Variants in CNTN5 observed in about 807,000 individuals in gnomAD.
CNTN5 encodes contactin-5.
Under a neutral mutation model 129.1 loss-of-function variants are expected in CNTN5, and 77 were observed. That is an observed-to-expected ratio of 0.60 (90% CI 0.50 to 0.72). The LOEUF is 0.72. Ranked by LOEUF, CNTN5 falls within the 30% of genes least tolerant of loss-of-function variation. CNTN5 has a pLI of 0.00. For synonymous variants in CNTN5, 509 were observed against 465.6 expected, an observed-to-expected ratio of 1.09 and a Z score of -1.20; for missense variants, 1,478 against 1,328.8, an observed-to-expected ratio of 1.11 and a Z score of -1.75.
chr11:100,332,561 A>T (rs771115025), intron 21 of CNTN5, among the ~76,000 whole-genome samples: 41 of 152,090 alleles, frequency 2.7e-4, no homozygotes, highest in Non-Finnish European at 5.0e-4. Flanking sequence ...AATATCCCTG[A>T]TCATCATAGA....
intron 2 of CNTN5, among the ~76,000 whole-genome samples, chr11:99,498,095 G>C (rs2134946): frequency 0.98 from 149,701 of 152,244 alleles, 73,659 homozygotes; most frequent in East Asian, 1. Flanking sequence ...TAATGGGTCC[G>C]CATAGAGCTA....
At chr11:100,117,754 G>T in intron 13 of CNTN5, among the ~76,000 whole-genome samples, 1 of 150,334 alleles carries the variant, frequency 6.7e-6, no homozygotes. Flanking sequence ...TGTAAAGAAT[G>T]GCATTCTATT....
intron 1 of CNTN5, among the ~76,000 whole-genome samples, chr11:99,213,374 G>GTATATACTTATATACACGTGTATATATA (rs1859926969): frequency 9.7e-6 from 1 of 103,542 alleles, no homozygotes; most frequent in East Asian, 2.5e-4. Context: ...ATGTATATAT[G>GTATATACTTATATACACGTGTATATATA]TATATACATA....
In CNTN5 at chr11:100,191,176, C is replaced by A. The variant is rs1299614537; in HGVS notation, c.1631C>A (p.Ser544Ter). The A allele has an allele frequency of 6.2e-7, 1 of 1,610,918 alleles. No individual in the cohort carries two copies. The highest frequency in any genetic ancestry group is 8.5e-7 in the Non-Finnish European group (1 of 1,177,744). Residue 544 changes from serine (S) to a stop codon, truncating the protein, a stop_gained, in exon 14 of 25, where the codon TCA becomes TAA. Transcript: ENST00000524871. LOFTEE classifies it high-confidence loss of function. ...CTACGGATCCTAAATGCTTCCAAAT[C>A]AGACGAGGGAAAGTACGTTTGCCGA... ...GSLRILNASK[S>*]DEGKYVCRGE...
At chr11:99,328,907 GA>G (rs59341657) in intron 2 of CNTN5, among the ~76,000 whole-genome samples, 40,843 of 139,962 alleles carry the variant, frequency 0.29, 6,408 homozygotes, top group African/African-American at 0.41. Flanking sequence ...ACAGGAAAAA[GA>G]AAAAAAAACC....
At chr11:99,987,524 A>AATATATAT (rs10674388) in intron 8 of CNTN5, among the ~76,000 whole-genome samples, 101 of 141,366 alleles carry the variant, frequency 7.1e-4, no homozygotes, top group Non-Finnish European at 1.1e-3. Context: ...TGTATTTATG[A>AATATATAT]ATATATATAT....
intron 20 of CNTN5, among the ~76,000 whole-genome samples, chr11:100,300,507 G>T (rs184800073): frequency 4.6e-5 from 7 of 151,512 alleles, no homozygotes; most frequent in African/African-American, 1.7e-4. Flanking sequence ...GTGCCCACAT[G>T]TAGGACTTGA....
intron 24 of CNTN5, among the ~76,000 whole-genome samples, chr11:100,351,184 T>A (rs551292148): frequency 1.3e-5 from 2 of 151,740 alleles, no homozygotes; most frequent in East Asian, 3.9e-4. Context: ...TAAACTGATA[T>A]TACACTGGTT....
chr11:99,418,127 C>T (rs1942740478), intron 2 of CNTN5, among the ~76,000 whole-genome samples: 1 of 151,970 alleles, frequency 6.6e-6, no homozygotes, highest in African/African-American at 2.4e-5. Context: ...AAGGTTAATC[C>T]AAGATTACAC....
In CNTN5 at chr11:99,916,044, A is replaced by C. The variant is rs753476933; in HGVS notation, c.578-10A>C. 2 of 1,603,926 alleles carry C rather than the reference A, an allele frequency of 1.2e-6. No individual in the cohort carries two copies. Among genetic ancestry groups the C allele is most frequent in the South Asian group, 2.2e-5 (2 of 90,004 alleles). Reference sequence around the variant, plus strand: ...CTGCCTTGGATCTAAATGTTTTATTATGTTGACAGATCTGGGAAATTTTAG... The same window carrying C: ...CTGCCTTGGATCTAAATGTTTTATTCTGTTGACAGATCTGGGAAATTTTAG... On this transcript the variant is annotated splice_polypyrimidine_tract_variant and intron_variant, in intron 6 of 24. Transcript: ENST00000524871.
intron 7 of CNTN5, among the ~76,000 whole-genome samples, chr11:99,946,263 A>G (rs1950551502): frequency 6.6e-6 from 1 of 152,132 alleles, no homozygotes; most frequent in South Asian, 2.1e-4. Flanking sequence ...AAATTATAGT[A>G]TTTTTATTTA....
intron 1 of CNTN5, among the ~76,000 whole-genome samples, chr11:99,267,037 A>T (rs867456593): frequency 4.6e-5 from 7 of 151,286 alleles, no homozygotes; most frequent in South Asian, 4.2e-4. Flanking sequence ...AGAAGGCTTT[A>T]AAAAAAAAGG....
chr11:99,348,387 C>T (rs1938056838), intron 2 of CNTN5, among the ~76,000 whole-genome samples: 1 of 152,206 alleles, frequency 6.6e-6, no homozygotes, highest in Non-Finnish European at 1.5e-5. Flanking sequence ...TCAAGTATGA[C>T]TGGTTGAAAC....
At chr11:99,790,608 T>C (rs760825185) in intron 3 of CNTN5, among the ~76,000 whole-genome samples, 7 of 152,146 alleles carry the variant, frequency 4.6e-5, no homozygotes, top group Non-Finnish European at 7.4e-5. Context: ...GTCTTTAATA[T>C]TGTGAATATT....
chr11:99,878,122 G>C (rs968512392), intron 6 of CNTN5, among the ~76,000 whole-genome samples: 1 of 152,192 alleles, frequency 6.6e-6, no homozygotes, highest in African/African-American at 2.4e-5. Context: ...AGAGCAGAAA[G>C]AAAGTTTGAG....
rs1335573446 is a variant in CNTN5 at position 99,669,447 on chromosome 11, T to TGTGC, written c.55+113181_55+113182insCGTG. On this transcript the variant is annotated intron_variant, in intron 3 of 24. Transcript: ENST00000524871. ...TTTTCCAGCTATTAAATATGGTGTG[T>TGTGC]GTGTGTGTGTGTGTGTGTGTGTGTG... 4.0e-5 allele frequency among the ~76,000 whole-genome samples: 3 copies of TGTGC among 75,220 alleles called. No homozygotes were observed. The Admixed American group carries it at 4.7e-4, about 12-fold the overall frequency. The allele number at this position is 75,220 out of a possible 152,430, so 49.3% of individuals were successfully genotyped here. A position where few individuals can be genotyped will look rare whatever the true frequency, so the allele number is the denominator to read the frequency against.
intron 17 of CNTN5, among the ~76,000 whole-genome samples, chr11:100,263,621 A>G (rs1950247344): frequency 6.6e-6 from 1 of 152,130 alleles, no homozygotes. Context: ...AAAGACCTCA[A>G]AATTGGAGAA....
intron 3 of CNTN5, among the ~76,000 whole-genome samples, chr11:99,640,525 C>G (rs75789275): frequency 1.3e-4 from 20 of 152,138 alleles, no homozygotes; most frequent in African/African-American, 4.8e-4. Flanking sequence ...CCTTCCTCAA[C>G]GCTTGGGAAT....
chr11:99,129,351 A>G (rs1047660549), intron 1 of CNTN5, among the ~76,000 whole-genome samples: 2 of 152,196 alleles, frequency 1.3e-5, no homozygotes, highest in African/African-American at 4.8e-5. Context: ...AAGAGAGACT[A>G]TCACAGCTTG....
Sources: gnomAD v4.1 joint callset for allele counts (sites outside exome capture counted in the v4.1 genomes callset) on GRCh38, gnomAD v4.1.1 for gene constraint, MANE v1.5 for transcripts, NCBI Gene and HGNC (gene_info 2026-07-23, HGNC 2026-07-21) for gene names.